Variants in PRRC2B observed in about 807,000 individuals in gnomAD.
PRRC2B encodes proline rich coiled-coil 2B.
Under a neutral mutation model 242.3 loss-of-function variants are expected in PRRC2B, and 68 were observed. The ratio of observed to expected loss-of-function variants is 0.28; its 90% CI spans 0.23 to 0.34. The LOEUF is 0.34. Among genes scored for constraint, PRRC2B ranks in the 10% least tolerant of loss-of-function variants. The pLI is 1.00. For synonymous variants in PRRC2B, 1,228 were observed against 1,173.6 expected, an observed-to-expected ratio of 1.05 and a Z score of -0.95; for missense variants, 2,835 against 2,954.8, an observed-to-expected ratio of 0.96 and a Z score of 0.94.
intron 3 of PRRC2B, among the ~76,000 whole-genome samples, chr9:131,435,104 C>A (rs1489711949): frequency 6.6e-6 from 1 of 151,720 alleles, no homozygotes; most frequent in African/African-American, 2.4e-5. Flanking sequence ...TCAAGACCAG[C>A]CTGACCAACA....
upstream of PRRC2B, among the ~76,000 whole-genome samples, chr9:131,391,082 G>A (rs1227195749): frequency 2.0e-5 from 3 of 152,050 alleles, no homozygotes; most frequent in African/African-American, 7.2e-5. Flanking sequence ...ACTGTGTCTG[G>A]CCCTAGCTTG....
intron 1 of PRRC2B, among the ~76,000 whole-genome samples, chr9:131,421,117 C>T (rs1474499337): frequency 6.6e-6 from 1 of 152,190 alleles, no homozygotes; most frequent in African/African-American, 2.4e-5. Flanking sequence ...CAGCAGAGAG[C>T]TCTGTGTGGC....
In PRRC2B at chr9:131,473,656, G is replaced by A; in HGVS notation, c.2256G>A (p.Leu752=). 6.2e-7 allele frequency: 1 copy of A among 1,613,840 alleles called. No homozygotes were observed. Among genetic ancestry groups the A allele is most frequent in the Non-Finnish European group, 8.5e-7 (1 of 1,179,852 alleles). The part of the protein sequence containing the change: ...PVWSPEGYMA[L]QSKGYPLPHP... Reference sequence around the variant, plus strand: ...GGAGCCCAGAGGGCTACATGGCACTGCAGAGCAAGGGCTACCCGCTCCCGC... The same window carrying A: ...GGAGCCCAGAGGGCTACATGGCACTACAGAGCAAGGGCTACCCGCTCCCGC... The change falls in exon 15 of 32, where the codon CTG becomes CTA. Residue 752 remains leucine, a synonymous_variant. Coordinates refer to ENST00000683519, the MANE Select transcript of PRRC2B (RefSeq NM_013318.4).
rs770320601 is a variant in PRRC2B at position 131,455,176 on chromosome 9, C to A, written c.1211+10C>A. 1 of 1,595,788 alleles carries A rather than the reference C, an allele frequency of 6.3e-7. No individual in the cohort carries two copies. The highest frequency in any genetic ancestry group is 2.2e-5 in the East Asian group (1 of 44,726). On this transcript the variant is annotated intron_variant, in intron 10 of 31. Transcript: ENST00000683519. ...ACGGCAGGCCAAAGTGGTAAGGACC[C>A]GTTCCTGCCCTATCAGCATGAGTGC...
At chr9:131,406,639 G>T (rs887034496) in intron 1 of PRRC2B, among the ~76,000 whole-genome samples, 4 of 152,212 alleles carry the variant, frequency 2.6e-5, no homozygotes, top group African/African-American at 2.4e-5. Flanking sequence ...TACGGAACCT[G>T]TCTCACAGCA....
chr9:131,425,082 T>A (rs1165550186), intron 1 of PRRC2B, among the ~76,000 whole-genome samples: 3 of 152,108 alleles, frequency 2.0e-5, no homozygotes, highest in African/African-American at 7.2e-5. Context: ...TTCTGCTGCC[T>A]TCAAGTGATT....
At position 131,482,334 on chromosome 9, in the gene PRRC2B, G is replaced by A; in HGVS notation, c.4984-37G>A. The A allele has an allele frequency of 6.6e-7, 1 of 1,523,816 alleles. No individual in the cohort carries two copies. The highest frequency in any genetic ancestry group is 8.8e-7 in the Non-Finnish European group (1 of 1,131,978). The allele number at this position is 1,523,816 out of a possible 1,614,324, so 94.4% of individuals were successfully genotyped here. A position where few individuals can be genotyped will look rare whatever the true frequency, so the allele number is the denominator to read the frequency against. Reference sequence around the variant, plus strand: ...TTTACTCTCTGGATAATCGAGTTGGGAGTTTGAGGCTATAACCCATTTTGT... The same window carrying A: ...TTTACTCTCTGGATAATCGAGTTGGAAGTTTGAGGCTATAACCCATTTTGT... On this transcript the variant is annotated intron_variant, in intron 20 of 31. Coordinates refer to ENST00000683519, the MANE Select transcript of PRRC2B (RefSeq NM_013318.4). The surrounding 1 kb of genome is among the most constrained non-coding windows in gnomAD (Gnocchi z 5.2).
Position 131,498,742 on chromosome 9 carries a change from C to G in PRRC2B, c.*2868C>G, listed in dbSNP as rs1354875592. 1 of 152,216 alleles carries G rather than the reference C, an allele frequency of 6.6e-6. No homozygotes were observed. The highest frequency in any genetic ancestry group is 1.9e-4 in the East Asian group (1 of 5,186). The allele number at this position is 152,216 out of a possible 1,614,324, so 9.4% of individuals were successfully genotyped here. A position where few individuals can be genotyped will look rare whatever the true frequency, so the allele number is the denominator to read the frequency against. On this transcript the variant is annotated 3_prime_UTR_variant, in exon 32 of 32. Transcript: ENST00000683519. ...GGATTGGGGGGTCAGAACCCACTCA[C>G]TTTTGCCTGTTAAAGTTGCCCTCCT...
intron 1 of PRRC2B, among the ~76,000 whole-genome samples, chr9:131,419,363 CCTTAAACTGTGACA>C (rs750139821): frequency 2.6e-4 from 39 of 152,146 alleles, no homozygotes; most frequent in Non-Finnish European, 4.9e-4. Context: ...GTACCAGCAC[CCTTAAACTGTGACA>C]CTTAAACTGT....
intron 1 of PRRC2B, among the ~76,000 whole-genome samples, chr9:131,417,828 G>T (rs1239180855): frequency 6.6e-6 from 1 of 152,154 alleles, no homozygotes; most frequent in Non-Finnish European, 1.5e-5. Flanking sequence ...CCCTCTTTAT[G>T]TACACGGGTG....
At chr9:131,455,984 G>A (rs572643235) in intron 10 of PRRC2B, among the ~76,000 whole-genome samples, 4 of 152,146 alleles carry the variant, frequency 2.6e-5, no homozygotes, top group African/African-American at 9.6e-5. Context: ...GTGGTGGCGT[G>A]TGCTTGTAAT....
At chr9:131,400,664 C>T (rs959672470) in intron 1 of PRRC2B, among the ~76,000 whole-genome samples, 3 of 152,066 alleles carry the variant, frequency 2.0e-5, no homozygotes, top group Non-Finnish European at 2.9e-5. Context: ...CCTCCGCCTC[C>T]GCCTATCAAA....
intron 11 of PRRC2B, among the ~76,000 whole-genome samples, chr9:131,463,750 G>A (rs1943310125): frequency 6.8e-6 from 1 of 148,106 alleles, no homozygotes; most frequent in Non-Finnish European, 1.5e-5. Context: ...CAGCTCAGTA[G>A]CTGGGACCCA....
intron 1 of PRRC2B, among the ~76,000 whole-genome samples, chr9:131,407,847 C>T (rs948739011): frequency 6.6e-6 from 1 of 152,164 alleles, no homozygotes; most frequent in Non-Finnish European, 1.5e-5. Flanking sequence ...CTCTGAGCCT[C>T]TGTTCCCTTA....
At chr9:131,377,656 C>T (rs1290787879) in intron 1 of PRRC2B, among the ~76,000 whole-genome samples, 4 of 152,166 alleles carry the variant, frequency 2.6e-5, no homozygotes, top group East Asian at 1.9e-4. Flanking sequence ...ACGATGCCTA[C>T]GGAATGACAA....
At chr9:131,416,738 A>G (rs558034124) in intron 1 of PRRC2B, among the ~76,000 whole-genome samples, 1 of 151,960 alleles carries the variant, frequency 6.6e-6, no homozygotes, top group South Asian at 2.1e-4. Flanking sequence ...TACCGATCAG[A>G]TATTTGGTAG....
chr9:131,430,077 CTCTATTTCAAAGGCAGATCGG>C lies in PRRC2B; in HGVS notation c.-51-16_-47del. 1 of 384,958 alleles carries C rather than the reference CTCTATTTCAAAGGCAGATCGG, an allele frequency of 2.6e-6. No homozygotes were observed. The highest frequency in any genetic ancestry group is 4.4e-6 in the Non-Finnish European group (1 of 229,664). 23.8% of individuals were successfully genotyped at this position (384,958 alleles called of 1,614,324 possible). On this transcript the variant is annotated splice_acceptor_variant and splice_polypyrimidine_tract_variant and 5_prime_UTR_variant and intron_variant, in exon 2 of 32. Coordinates refer to ENST00000683519, the MANE Select transcript of PRRC2B (RefSeq NM_013318.4). LOFTEE classifies it low-confidence loss of function (5UTR_SPLICE). ...TTCTCTCTCTTTTTTTTTTTTTCTT[CTCTATTTCAAAGGCAGATCGG>C]GAGCGGTGCCGAGAAAAATTTCCTT...
rs1170935784 is a variant in PRRC2B, at chr9:131,475,804, C to G, written c.3675C>G (p.Pro1225=). 3.7e-5 allele frequency: 60 copies of G among 1,612,728 alleles called. No homozygotes were observed. The highest frequency in any genetic ancestry group is 5.0e-5 in the Non-Finnish European group (59 of 1,179,038). ...GAACCTTCGTCTCCAAAGAGTCACC[C>G]CACTGGCAGAGCAAAAGTCCAGGCA... ...GRRTFVSKES[P]HWQSKSPGSS... Residue 1225 remains proline, a synonymous_variant, in exon 16 of 32, where the codon CCC becomes CCG. Transcript: ENST00000683519.
rs188183332 is a variant in PRRC2B at position 131,490,877 on chromosome 9, C to G, written c.6226-548C>G. Reference sequence around the variant, plus strand: ...TCGCCATTACTTCTGACTTTCCTCACTCGTCCTCTCCTTGCCCACCCCGCC... The same window carrying G: ...TCGCCATTACTTCTGACTTTCCTCAGTCGTCCTCTCCTTGCCCACCCCGCC... On this transcript the variant is annotated intron_variant, in intron 28 of 31. Transcript: ENST00000683519. 5.6e-5 allele frequency: 18 copies of G among 319,698 alleles called. No homozygotes were observed. In the East Asian group the frequency reaches 1.1e-3, roughly 20 times the overall value. The allele number at this position is 319,698 out of a possible 1,614,324, so 19.8% of individuals were successfully genotyped here.
Sources: allele counts gnomAD v4.1 joint callset (sites outside exome capture counted in the v4.1 genomes callset), GRCh38; gene constraint gnomAD v4.1.1; non-coding constraint Gnocchi (gnomAD v3.1); transcripts MANE v1.5; gene names NCBI Gene and HGNC (gene_info 2026-07-23, HGNC 2026-07-21).